Variants in PTPRT observed in about 807,000 individuals in gnomAD.
PTPRT encodes protein tyrosine phosphatase receptor type T, also known as receptor-type tyrosine-protein phosphatase T.
In PTPRT, 56 loss-of-function variants were observed where a neutral mutation model predicts 176.8. The observed-to-expected ratio is 0.32, with a 90% CI of 0.26 to 0.40. PTPRT has a LOEUF of 0.40. Among genes scored for constraint, PTPRT ranks in the 10% least tolerant of loss-of-function variants. PTPRT has a pLI of 1.00. For missense variants in PTPRT, 1,540 were observed against 1,908.2 expected (o/e 0.81, Z 3.60); for synonymous variants, 783 against 739.0 (o/e 1.06, Z -0.96).
At chr20:42,239,315 T>C (rs1024692748) in intron 14 of PTPRT, among the ~76,000 whole-genome samples, 1 of 152,040 alleles carries the variant, frequency 6.6e-6, no homozygotes, top group Non-Finnish European at 1.5e-5. Flanking sequence ...ACTATTCTGA[T>C]GGAGACACTG....
intron 7 of PTPRT, among the ~76,000 whole-genome samples, chr20:42,517,193 G>A (rs1401323715): frequency 1.3e-5 from 2 of 151,890 alleles, no homozygotes; most frequent in Non-Finnish European, 2.9e-5. Flanking sequence ...ATTGTTGACA[G>A]ATTATAAAGT....
chr20:43,018,355 A>C (rs1216847529), intron 1 of PTPRT, among the ~76,000 whole-genome samples: 1 of 152,268 alleles, frequency 6.6e-6, no homozygotes, highest in East Asian at 1.9e-4. Flanking sequence ...CCAAACTCAG[A>C]ATAAATTACA....
intron 1 of PTPRT, among the ~76,000 whole-genome samples, chr20:42,918,776 C>T (rs1327821885): frequency 6.6e-6 from 1 of 152,116 alleles, no homozygotes; most frequent in Non-Finnish European, 1.5e-5. Context: ...ACAGTGCTTG[C>T]CCAGATGAAA....
chr20:42,352,681 A>G (rs1404245810), intron 9 of PTPRT, among the ~76,000 whole-genome samples: 2 of 152,228 alleles, frequency 1.3e-5, no homozygotes, highest in East Asian at 1.9e-4. Context: ...ATGGTCAAAA[A>G]TAATTTAACT....
chr20:42,614,132 T>A (rs964268519), intron 7 of PTPRT, among the ~76,000 whole-genome samples: 1 of 152,132 alleles, frequency 6.6e-6, no homozygotes, highest in Non-Finnish European at 1.5e-5. Flanking sequence ...CTTCTGGTGG[T>A]TTGCTGGCAA....
At chr20:42,497,220 A>G (rs2071670688) in intron 7 of PTPRT, among the ~76,000 whole-genome samples, 1 of 152,140 alleles carries the variant, frequency 6.6e-6, no homozygotes, top group Admixed American at 6.6e-5. Flanking sequence ...TTTGCACAGA[A>G]TCATAGATTT....
intron 1 of PTPRT, among the ~76,000 whole-genome samples, chr20:42,964,093 G>A (rs1314226010): frequency 2.6e-5 from 4 of 152,054 alleles, no homozygotes; most frequent in African/African-American, 7.2e-5. Context: ...AGTTAGGGAG[G>A]AAGTCAAATT....
At chr20:42,824,419 A>C (rs1056338697) in intron 2 of PTPRT, among the ~76,000 whole-genome samples, 74 of 152,216 alleles carry the variant, frequency 4.9e-4, no homozygotes, top group African/African-American at 1.2e-3. Flanking sequence ...CTGACATAAA[A>C]ACAGACAGGC....
rs777761268 is a variant in PTPRT, at chr20:42,577,923, CTGTGTGTGTGTG to C, written c.1153+99931_1153+99942del. Among the ~76,000 whole-genome samples, 536 of 111,322 alleles carry C rather than the reference CTGTGTGTGTGTG, an allele frequency of 4.8e-3. 1 individual carries two copies. Among genetic ancestry groups the C allele is most frequent in the African/African-American group, 0.014 (372 of 26,054 alleles). 73.0% of individuals were successfully genotyped at this position (111,322 alleles called of 152,430 possible). A position where few individuals can be genotyped will look rare whatever the true frequency, so the allele number is the denominator to read the frequency against. ...GAAAAACCTTCAGACCTGAGCGAGG[CTGTGTGTGTGTG>C]TGTGTGTGTGTGTGTGTGTGTGTGT... On this transcript the variant is annotated intron_variant, in intron 7 of 30. Coordinates refer to ENST00000373187, the MANE Select transcript of PTPRT (RefSeq NM_007050.6).
chr20:42,363,181 G>A (rs1268246783), intron 9 of PTPRT, among the ~76,000 whole-genome samples: 8 of 137,778 alleles, frequency 5.8e-5, no homozygotes, highest in African/African-American at 1.9e-4. Flanking sequence ...AAGTCTCATT[G>A]ATTGGCAAAT....
intron 8 of PTPRT, among the ~76,000 whole-genome samples, chr20:42,456,075 C>T (rs570698305): frequency 6.6e-6 from 1 of 151,950 alleles, no homozygotes; most frequent in Non-Finnish European, 1.5e-5. Context: ...TTAGGCCTTC[C>T]TTAACGTCTT....
At chr20:42,733,577 C>T (rs1215216245) in intron 6 of PTPRT, among the ~76,000 whole-genome samples, 2 of 152,204 alleles carry the variant, frequency 1.3e-5, no homozygotes, top group Non-Finnish European at 2.9e-5. Flanking sequence ...CTGGGGAGCT[C>T]ATTAGCACCT....
At chr20:42,048,112 C>A in the PTPRT span, among the ~76,000 whole-genome samples, 1 of 152,182 alleles carries the variant, frequency 6.6e-6, no homozygotes, top group African/African-American at 2.4e-5. Flanking sequence ...CTGCAAAGAG[C>A]AGCTCAGGGG....
At chr20:42,066,199 C>T in the PTPRT span, among the ~76,000 whole-genome samples, 7 of 140,362 alleles carry the variant, frequency 5.0e-5, no homozygotes, top group Admixed American at 7.1e-5. Flanking sequence ...GCCACCATGA[C>T]GGCTGATTTT....
intron 2 of PTPRT, among the ~76,000 whole-genome samples, chr20:42,804,176 C>A (rs960355205): frequency 3.9e-5 from 6 of 152,116 alleles, no homozygotes; most frequent in Non-Finnish European, 8.8e-5. Context: ...ATCCTGAACC[C>A]ACTCTTCCCC....
chr20:42,399,389 GC>G, intron 9 of PTPRT, among the ~76,000 whole-genome samples: 1 of 152,336 alleles, frequency 6.6e-6, no homozygotes, highest in South Asian at 2.1e-4. Flanking sequence ...TTAAGCTTGG[GC>G]AGCAATATGA....
intron 7 of PTPRT, among the ~76,000 whole-genome samples, chr20:42,567,291 A>AAG (rs200210899): frequency 3.4e-4 from 51 of 150,518 alleles, no homozygotes; most frequent in African/African-American, 9.4e-4. Flanking sequence ...AAAAAAATAA[A>AAG]AGAGAGAGAG....
chr20:43,102,284 TCA>T (rs57029983), intron 1 of PTPRT, among the ~76,000 whole-genome samples: 2,782 of 140,286 alleles, frequency 0.02, 62 homozygotes, highest in East Asian at 0.071. Flanking sequence ...CACTCACACA[TCA>T]CACACACACA....
At chr20:42,306,572 A>G (rs1340595773) in intron 12 of PTPRT, among the ~76,000 whole-genome samples, 6 of 152,178 alleles carry the variant, frequency 3.9e-5, no homozygotes, top group African/African-American at 1.4e-4. Flanking sequence ...AGGGCTCTGC[A>G]GAGCTAATAA....
Sources: allele counts gnomAD v4.1 joint callset (sites outside exome capture counted in the v4.1 genomes callset), GRCh38; gene constraint gnomAD v4.1.1; transcripts MANE v1.5; gene names NCBI Gene and HGNC (gene_info 2026-07-23, HGNC 2026-07-21).